EPB41L3: variants seen among roughly 807,000 people sequenced by gnomAD.
EPB41L3 encodes the protein erythrocyte membrane protein band 4.1 like 3.
In EPB41L3, 57 loss-of-function variants were observed where a neutral mutation model predicts 127.1. The observed-to-expected ratio is 0.45, with a 90% CI of 0.36 to 0.56. The LOEUF (loss-of-function observed/expected upper bound fraction) is 0.56, where lower values mean the gene tolerates loss of function less well. Among genes scored for constraint, EPB41L3 ranks in the 20% least tolerant of loss-of-function variants. The pLI is 0.00. For synonymous variants in EPB41L3, 572 were observed against 549.5 expected, an observed-to-expected ratio of 1.04 and a Z score of -0.57; for missense variants, 1,273 against 1,372.2, an observed-to-expected ratio of 0.93 and a Z score of 1.14.
At chr18:5,513,141 ACTTC>A (rs1157106663) in intron 1 of EPB41L3, among the ~76,000 whole-genome samples, 1 of 152,148 alleles carries the variant, frequency 6.6e-6, no homozygotes, top group African/African-American at 2.4e-5. Flanking sequence ...GTAGGATCAC[ACTTC>A]CTTATCAGCC....
At chr18:5,565,913 A>G (rs2094192749) in intron 3 of EPB41L3, among the ~76,000 whole-genome samples, 1 of 152,130 alleles carries the variant, frequency 6.6e-6, no homozygotes, top group Admixed American at 6.5e-5. Flanking sequence ...AAAATTCAAC[A>G]GAACTTCATG....
chr18:5,413,153 TA>T (rs1283804276), intron 13 of EPB41L3, among the ~76,000 whole-genome samples: 4 of 152,250 alleles, frequency 2.6e-5, no homozygotes, highest in Non-Finnish European at 5.9e-5. Flanking sequence ...TTATGTAATT[TA>T]AAATGTTATA....
At chr18:5,594,694 T>C (rs2094520057) in intron 3 of EPB41L3, among the ~76,000 whole-genome samples, 1 of 152,218 alleles carries the variant, frequency 6.6e-6, no homozygotes, top group South Asian at 2.1e-4. Context: ...CTCCCCTCAC[T>C]GTGAATTTAA....
chr18:5,615,869 T>C (rs1184259821), intron 1 of EPB41L3, among the ~76,000 whole-genome samples: 2 of 152,172 alleles, frequency 1.3e-5, no homozygotes, highest in East Asian at 3.9e-4. Flanking sequence ...CCTATCTGTA[T>C]CATGAAATCC....
chr18:5,622,338 T>A (rs2094872543), intron 1 of EPB41L3, among the ~76,000 whole-genome samples: 1 of 152,244 alleles, frequency 6.6e-6, no homozygotes, highest in Non-Finnish European at 1.5e-5. Context: ...TTTCTTGTTC[T>A]TACAACCACT....
chr18:5,488,584 T>TG (rs2090175004), intron 2 of EPB41L3, among the ~76,000 whole-genome samples: 1 of 148,616 alleles, frequency 6.7e-6, no homozygotes, highest in Non-Finnish European at 1.5e-5. Flanking sequence ...ATGATGATGA[T>TG]AATAATAATA....
At chr18:5,404,900 C>T (rs2075104865) in intron 16 of EPB41L3, among the ~76,000 whole-genome samples, 1 of 152,160 alleles carries the variant, frequency 6.6e-6, no homozygotes, top group Non-Finnish European at 1.5e-5. Context: ...CAATAAAATT[C>T]ATGAGAGCAT....
chr18:5,587,993 A>T (rs1168812960), intron 3 of EPB41L3, among the ~76,000 whole-genome samples: 3 of 152,200 alleles, frequency 2.0e-5, no homozygotes, highest in Non-Finnish European at 4.4e-5. Flanking sequence ...ACGCAAAAGA[A>T]CGCTAACATG....
chr18:5,630,411 C>G (rs2094981278), upstream of EPB41L3: 1 of 518,854 alleles, frequency 1.9e-6, no homozygotes, highest in South Asian at 1.4e-5. Context: ...GGGCCCCTCC[C>G]GGAGCTTGTT....
chr18:5,477,811 T>C (rs1188911298), intron 3 of EPB41L3, among the ~76,000 whole-genome samples: 1 of 152,200 alleles, frequency 6.6e-6, no homozygotes. Context: ...GAAAAGGTCA[T>C]GGACATTTTC....
chr18:5,569,442 C>G (rs1031093482), intron 3 of EPB41L3, among the ~76,000 whole-genome samples: 3 of 152,050 alleles, frequency 2.0e-5, no homozygotes, highest in African/African-American at 7.2e-5. Flanking sequence ...AAGTAGTCCC[C>G]CTAATTAGAG....
chr18:5,593,985 A>G (rs2094512494), intron 3 of EPB41L3, among the ~76,000 whole-genome samples: 1 of 152,140 alleles, frequency 6.6e-6, no homozygotes, highest in African/African-American at 2.4e-5. Flanking sequence ...TTGTTCAAAC[A>G]CACATGCTCT....
At chr18:5,394,604 G>A (rs1242503211) in intron 22 of EPB41L3, 73 bp downstream of exon 22, 9 of 1,098,390 alleles carry the variant, frequency 8.2e-6, no homozygotes, top group African/African-American at 3.1e-5. Context: ...GGGATCAGGT[G>A]AAGGATGAGA....
At chr18:5,582,618 A>C (rs1017170961) in intron 3 of EPB41L3, among the ~76,000 whole-genome samples, 4 of 152,230 alleles carry the variant, frequency 2.6e-5, no homozygotes, top group African/African-American at 9.6e-5. Flanking sequence ...TGATTTTAAC[A>C]CAGAGAACAT....
intron 3 of EPB41L3, among the ~76,000 whole-genome samples, chr18:5,462,491 C>T (rs142345120): frequency 0.01 from 1,533 of 152,260 alleles, 16 homozygotes; most frequent in African/African-American, 0.034. Context: ...TGCTTTTCTA[C>T]GCACTCTCTG....
intron 1 of EPB41L3, among the ~76,000 whole-genome samples, chr18:5,503,342 TG>T (rs2091900177): frequency 6.6e-6 from 1 of 152,140 alleles, no homozygotes; most frequent in Non-Finnish European, 1.5e-5. Context: ...CTGCAGAGGA[TG>T]AAACTCAGAC....
intron 2 of EPB41L3, among the ~76,000 whole-genome samples, chr18:5,612,764 G>A (rs184560605): frequency 4.6e-5 from 7 of 152,080 alleles, no homozygotes; most frequent in African/African-American, 9.7e-5. Flanking sequence ...TTTTTGAGAC[G>A]GAGTCTCATT....
intron 3 of EPB41L3, among the ~76,000 whole-genome samples, chr18:5,590,417 A>G (rs1373194278): frequency 6.6e-6 from 1 of 152,182 alleles, no homozygotes; most frequent in Non-Finnish European, 1.5e-5. Context: ...GCGAGGATGC[A>G]GAGCACCTGG....
At chr18:5,612,035 T>TA (rs2094731918) in intron 3 of EPB41L3, among the ~76,000 whole-genome samples, 1 of 151,534 alleles carries the variant, frequency 6.6e-6, no homozygotes, top group African/African-American at 2.4e-5. Context: ...ACTGTACACT[T>TA]AAAATAGTTA....
Sources: allele counts gnomAD v4.1 joint callset (sites outside exome capture counted in the v4.1 genomes callset), GRCh38; gene constraint gnomAD v4.1.1; transcripts MANE v1.5; gene names NCBI Gene and HGNC (gene_info 2026-07-23, HGNC 2026-07-21).